Variants in CDH23 observed in about 807,000 individuals in gnomAD.
The protein encoded by CDH23 is cadherin-23.
A neutral mutation model predicts 317.1 loss-of-function variants in CDH23; 189 were observed. The ratio of observed to expected loss-of-function variants is 0.60; its 90% CI spans 0.53 to 0.67. CDH23 has a LOEUF of 0.67. Among genes scored for constraint, CDH23 ranks in the 30% least tolerant of loss-of-function variants. The probability of loss-of-function intolerance (pLI) is 0.00; values close to 1 mark genes in which losing one functional copy is unlikely to be tolerated. For synonymous variants in CDH23, 1,839 were observed against 1,876.8 expected (o/e 0.98, Z 0.52); for missense variants, 4,401 against 4,592.4 (o/e 0.96, Z 1.20).
At chr10:71,669,074 G>T (rs61529341) in intron 14 of CDH23, among the ~76,000 whole-genome samples, 2,942 of 152,294 alleles carry the variant, frequency 0.019, 92 homozygotes, top group African/African-American at 0.065. Context: ...CTGACTGTAG[G>T]GCAGAGGCTG....
chr10:71,544,815 G>A (rs1382708326), intron 6 of CDH23, among the ~76,000 whole-genome samples: 2 of 152,214 alleles, frequency 1.3e-5, no homozygotes, highest in Non-Finnish European at 2.9e-5. Flanking sequence ...AAGGGAGTCG[G>A]ATCATTTTCA....
intron 31 of CDH23, among the ~76,000 whole-genome samples, chr10:71,730,811 C>T (rs924044250): frequency 5.3e-5 from 8 of 152,240 alleles, no homozygotes; most frequent in Non-Finnish European, 8.8e-5. Flanking sequence ...GAGAGTTGTC[C>T]CAACCACTGG....
At chr10:71,454,304 A>G (rs1419251134) in intron 3 of CDH23, among the ~76,000 whole-genome samples, 1 of 152,242 alleles carries the variant, frequency 6.6e-6, no homozygotes, top group East Asian at 1.9e-4. Flanking sequence ...AACCCTTAGA[A>G]CTGTGTCTGG....
intron 6 of CDH23, among the ~76,000 whole-genome samples, chr10:71,539,168 G>A (rs1226915201): frequency 6.6e-6 from 1 of 152,188 alleles, no homozygotes; most frequent in Admixed American, 6.5e-5. Context: ...CCAGAGGGCA[G>A]ACACCTGGAC....
intron 38 of CDH23, chr10:71,748,413 T>A (rs1165718949): frequency 6.6e-6 from 1 of 152,256 alleles, no homozygotes; most frequent in Non-Finnish European, 1.5e-5. Context: ...GTGGCCTCCA[T>A]GGTGTGTTTT....
At chr10:71,750,983 A>G in intron 38 of CDH23, 1 of 445,386 alleles carries the variant, frequency 2.2e-6, no homozygotes, top group South Asian at 4.2e-5. Flanking sequence ...GATGTAAGTC[A>G]TTTGGCATCT....
chr10:71,464,831 C>A (rs1358368127), intron 3 of CDH23, among the ~76,000 whole-genome samples: 1 of 152,124 alleles, frequency 6.6e-6, no homozygotes, highest in Non-Finnish European at 1.5e-5. Context: ...TGTGAAGTCT[C>A]CTTATACTCT....
At chr10:71,497,860 G>C (rs1351430928) in intron 3 of CDH23, among the ~76,000 whole-genome samples, 1 of 152,172 alleles carries the variant, frequency 6.6e-6, no homozygotes, top group Non-Finnish European at 1.5e-5. Context: ...AAATGAGCTT[G>C]TTGGCCATAT....
intron 11 of CDH23, among the ~76,000 whole-genome samples, chr10:71,632,278 C>A (rs1306617580): frequency 6.6e-6 from 1 of 152,218 alleles, no homozygotes; most frequent in East Asian, 1.9e-4. Context: ...GTCATTAAAT[C>A]AGCAAGTGCG....
intron 28 of CDH23, chr10:71,718,017 C>A (rs528873806): frequency 1.3e-5 from 2 of 152,328 alleles, no homozygotes; most frequent in South Asian, 2.1e-4. Context: ...ATTCTACTGA[C>A]GTGGACAAGC....
At chr10:71,806,589 T>TG (rs1841733578) in intron 57 of CDH23, among the ~76,000 whole-genome samples, 29 of 151,578 alleles carry the variant, frequency 1.9e-4, no homozygotes, top group Admixed American at 1.8e-3. Flanking sequence ...ATTTTTTTTT[T>TG]TTTTTTTTGA....
intron 16 of CDH23, among the ~76,000 whole-genome samples, chr10:71,678,824 A>G (rs889233750): frequency 8.5e-5 from 13 of 152,210 alleles, no homozygotes; most frequent in African/African-American, 3.1e-4. Flanking sequence ...ACATGCATGG[A>G]TTAGACACCC....
intron 28 of CDH23, among the ~76,000 whole-genome samples, chr10:71,723,431 G>A (rs1415867405): frequency 6.6e-6 from 1 of 152,154 alleles, no homozygotes; most frequent in Non-Finnish European, 1.5e-5. Context: ...AAGCCCACCA[G>A]AGGAAACACA....
chr10:71,654,950 C>A (rs1033178972), intron 14 of CDH23, among the ~76,000 whole-genome samples: 1 of 152,184 alleles, frequency 6.6e-6, no homozygotes, highest in African/African-American at 2.4e-5. Context: ...GGACGTAGAT[C>A]TCCCCAGCTG....
chr10:71,611,126 C>T (rs7907996), intron 9 of CDH23, among the ~76,000 whole-genome samples: 47,317 of 151,502 alleles, frequency 0.31, 9,019 homozygotes, highest in East Asian at 0.53. Context: ...AAGGCCGACA[C>T]GGAGGTATCA....
intron 38 of CDH23, among the ~76,000 whole-genome samples, chr10:71,774,667 C>T (rs886929928): frequency 5.3e-5 from 8 of 152,212 alleles, no homozygotes; most frequent in African/African-American, 1.7e-4. Flanking sequence ...CAGAGGTGAT[C>T]GTGGCCAGGA....
Position 71,788,945 on chromosome 10 carries a change from T to C in CDH23, c.5826T>C (p.Tyr1942=). ...CCCCATTCTGCCCCTTGCAGGATTA[T>C]GACTTGCTTCTGATCTTCCTTTCTG... ...PENPRIARRD[Y]DLLLIFLSDE... Residue 1942 remains tyrosine (Y), a synonymous_variant, in exon 45 of 70, where the codon TAT becomes TAC. Coordinates refer to ENST00000224721, the MANE Select transcript of CDH23 (RefSeq NM_022124.6). 3 of 1,562,506 alleles carry C rather than the reference T, an allele frequency of 1.9e-6. No homozygotes were observed. The highest frequency in any genetic ancestry group is 2.6e-6 in the Non-Finnish European group (3 of 1,132,928).
chr10:71,737,626 T>A (rs1839603626), intron 34 of CDH23: 5 of 460,484 alleles, frequency 1.1e-5, no homozygotes, highest in South Asian at 6.2e-5. Flanking sequence ...GAGAATGGGG[T>A]CTGGCCTGGG....
In CDH23 at chr10:71,781,757, G is replaced by C. The variant is rs1386846755; in HGVS notation, c.5368+2310G>C. Among the ~76,000 whole-genome samples the C allele has an allele frequency of 3.9e-5, 6 of 152,176 alleles. No homozygotes were observed. The East Asian group carries it at 1.2e-3, about 29-fold the overall frequency. ...TTCCTAAGGCTGACCTGGGTGGGAG[G>C]CTTCCTCCCCCAAGGAAGGAAGAGT... On this transcript the variant is annotated intron_variant, in intron 41 of 69. Coordinates refer to ENST00000224721, the MANE Select transcript of CDH23 (RefSeq NM_022124.6).
Sources: allele counts gnomAD v4.1 joint callset (sites outside exome capture counted in the v4.1 genomes callset), GRCh38; gene constraint gnomAD v4.1.1; transcripts MANE v1.5; gene names NCBI Gene and HGNC (gene_info 2026-07-23, HGNC 2026-07-21).